TBXAS1: variants seen among roughly 807,000 people sequenced by gnomAD.
TBXAS1 encodes the protein thromboxane-A synthase.
TBXAS1 carries 48 observed loss-of-function variants against 60.7 expected under a neutral mutation model. The observed-to-expected ratio is 0.79, with a 90% confidence interval of 0.63 to 1.01. The LOEUF is 1.01. TBXAS1 is among the 50% of genes least tolerant of loss of function. The probability of loss-of-function intolerance (pLI) is 0.00; values close to 1 mark genes in which losing one functional copy is unlikely to be tolerated. For synonymous variants in TBXAS1, 287 were observed against 269.7 expected (o/e 1.06, Z -0.63); for missense variants, 685 against 686.3 (o/e 1.00, Z 0.02).
At chr7:139,934,021 G>A (rs997061772) in intron 4 of TBXAS1, among the ~76,000 whole-genome samples, 1 of 152,020 alleles carries the variant, frequency 6.6e-6, no homozygotes, top group African/African-American at 2.4e-5. Context: ...GTCCCCCACC[G>A]ATGTCCCACC....
intron 4 of TBXAS1, among the ~76,000 whole-genome samples, chr7:139,804,179 A>G (rs566678291): frequency 6.8e-4 from 104 of 152,350 alleles, no homozygotes; most frequent in African/African-American, 2.3e-3. Context: ...TGGGAGCCCA[A>G]GCTTGTGTCA....
chr7:139,813,060 TAAATAAAATAAAATAAATAAAATA>T (rs1415138175), intron 4 of TBXAS1, among the ~76,000 whole-genome samples: 10 of 139,314 alleles, frequency 7.2e-5, no homozygotes, highest in African/African-American at 2.5e-4. Context: ...CGGTCTCAAA[TAAATAAAATAAAATAAATAAAATA>T]AAATAAAATA....
At chr7:139,913,160 G>A (rs1363290981) in intron 4 of TBXAS1, 6 of 702,502 alleles carry the variant, frequency 8.5e-6, no homozygotes, top group Non-Finnish European at 1.6e-5. Flanking sequence ...ATCCCTTCAG[G>A]ATGGCCGAAG....
At chr7:139,781,087 A>T (rs1255620500) in intron 2 of TBXAS1, among the ~76,000 whole-genome samples, 1 of 152,266 alleles carries the variant, frequency 6.6e-6, no homozygotes, top group Non-Finnish European at 1.5e-5. Flanking sequence ...AAGGGGAACA[A>T]GATGGAGCCA....
chr7:139,883,429 C>T (rs1209980705), intron 3 of TBXAS1, among the ~76,000 whole-genome samples: 1 of 152,152 alleles, frequency 6.6e-6, no homozygotes, highest in Non-Finnish European at 1.5e-5. Context: ...TTCATTTCCC[C>T]CCATCCTCTT....
intron 4 of TBXAS1, among the ~76,000 whole-genome samples, chr7:139,934,595 A>C (rs1199591428): frequency 2.0e-5 from 3 of 152,184 alleles, no homozygotes; most frequent in African/African-American, 7.2e-5. Flanking sequence ...AACAATAGAA[A>C]TTGCTTTTCC....
At chr7:139,784,888 C>T (rs1323108639) in intron 3 of TBXAS1, among the ~76,000 whole-genome samples, 2 of 93,494 alleles carry the variant, frequency 2.1e-5, no homozygotes, top group Admixed American at 2.2e-4. Flanking sequence ...GTGTATAATG[C>T]GTGGCTGATC....
intron 4 of TBXAS1, among the ~76,000 whole-genome samples, chr7:139,789,897 C>T (rs1478306901): frequency 6.6e-6 from 1 of 152,168 alleles, no homozygotes; most frequent in Non-Finnish European, 1.5e-5. Context: ...TCCCAAAGTG[C>T]TGGGATTACA....
intron 3 of TBXAS1, among the ~76,000 whole-genome samples, chr7:139,886,118 T>G (rs1803075921): frequency 1.3e-5 from 2 of 152,204 alleles, no homozygotes; most frequent in Non-Finnish European, 2.9e-5. Flanking sequence ...CCACCAAGTT[T>G]TATGATGCCT....
rs569383607 is a variant in TBXAS1 at position 140,002,220 on chromosome 7, G to A, written c.1135-4871G>A. Among the ~76,000 whole-genome samples the A allele has an allele frequency of 1.2e-4, 18 of 152,296 alleles. No individual in the cohort carries two copies. The South Asian group carries it at 3.5e-3, about 30-fold the overall frequency. On this transcript the variant is annotated intron_variant, in intron 9 of 12. Transcript: ENST00000448866. Reference sequence around the variant, plus strand: ...CCATGTCATGATTTGTTTAGGAATCGGTTTCCTCAATGGACAGAGCCTCCT... The same window carrying A: ...CCATGTCATGATTTGTTTAGGAATCAGTTTCCTCAATGGACAGAGCCTCCT...
intron 4 of TBXAS1, among the ~76,000 whole-genome samples, chr7:139,933,245 T>C (rs990103403): frequency 6.6e-6 from 1 of 152,150 alleles, no homozygotes; most frequent in African/African-American, 2.4e-5. Context: ...TACATTTGTC[T>C]TTCAGGTGCA....
intron 9 of TBXAS1, among the ~76,000 whole-genome samples, chr7:139,997,641 CTGGAA>C (rs955131418): frequency 6.6e-6 from 1 of 151,988 alleles, no homozygotes; most frequent in African/African-American, 2.4e-5. Flanking sequence ...CAGTCCTTTC[CTGGAA>C]TAGAGATAGT....
chr7:139,935,371 C>T (rs1241474154), intron 4 of TBXAS1, among the ~76,000 whole-genome samples: 1 of 152,186 alleles, frequency 6.6e-6, no homozygotes, highest in South Asian at 2.1e-4. Context: ...GTTCTCTGGA[C>T]AGAGCAAATT....
rs956489688 is a variant in TBXAS1 at position 140,014,517 on chromosome 7, G to T, written c.1227-1206G>T. ...TTAAGAGGCTGGTGGATGCAGAAGA[G>T]CCTGCCAATGAGGGAGAAATCAAGG... is the stretch of plus-strand genomic sequence containing the variant. On this transcript the variant is annotated intron_variant, in intron 10 of 12. Transcript: ENST00000448866. 4.6e-5 allele frequency among the ~76,000 whole-genome samples: 7 copies of T among 152,152 alleles called. 1 individual carries two copies. The highest frequency in any genetic ancestry group is 7.2e-5 in the African/African-American group (3 of 41,420).
chr7:140,018,300 G>T (rs896616427), intron 12 of TBXAS1, among the ~76,000 whole-genome samples: 1 of 152,082 alleles, frequency 6.6e-6, no homozygotes, highest in African/African-American at 2.4e-5. Flanking sequence ...GACAGAGCAA[G>T]GTGCTGTCTG....
intron 4 of TBXAS1, among the ~76,000 whole-genome samples, chr7:139,923,785 C>T (rs77337525): frequency 0.014 from 2,121 of 152,072 alleles, 27 homozygotes; most frequent in African/African-American, 0.029. Flanking sequence ...CCACCTCCCT[C>T]GACACTCTTT....
chr7:139,964,554 AG>A (rs927883695), intron 9 of TBXAS1, among the ~76,000 whole-genome samples: 3 of 152,200 alleles, frequency 2.0e-5, no homozygotes, highest in African/African-American at 7.2e-5. Flanking sequence ...AAGGCATTAG[AG>A]GGAAGCCCAG....
intron 4 of TBXAS1, among the ~76,000 whole-genome samples, chr7:139,821,306 G>A (rs1350610151): frequency 6.6e-6 from 1 of 152,196 alleles, no homozygotes; most frequent in Non-Finnish European, 1.5e-5. Flanking sequence ...GGTTGTCAGA[G>A]GATGTCCAGT....
At chr7:139,971,906 C>G (rs1011479638) in intron 9 of TBXAS1, among the ~76,000 whole-genome samples, 2 of 152,178 alleles carry the variant, frequency 1.3e-5, no homozygotes, top group East Asian at 3.9e-4. Flanking sequence ...TCCAGAGAGG[C>G]CCAGAATCTT....
Sources: gnomAD v4.1 joint callset for allele counts (sites outside exome capture counted in the v4.1 genomes callset) on GRCh38, gnomAD v4.1.1 for gene constraint, MANE v1.5 for transcripts, NCBI Gene and HGNC (gene_info 2026-07-23, HGNC 2026-07-21) for gene names.